SHCBP1L: variants seen among roughly 807,000 people sequenced by gnomAD.
SHCBP1L encodes testicular spindle-associated protein SHCBP1L.
A neutral mutation model predicts 62.5 loss-of-function variants in SHCBP1L; 67 were observed. The ratio of observed to expected loss-of-function variants is 1.07; its 90% CI spans 0.88 to 1.31. The LOEUF (loss-of-function observed/expected upper bound fraction) is 1.31. SHCBP1L is among the 40% of genes most tolerant of loss of function. SHCBP1L has a pLI of 0.00. For synonymous variants in SHCBP1L, 284 were observed against 289.4 expected (o/e 0.98, Z 0.19); for missense variants, 823 against 809.8 (o/e 1.02, Z -0.20).
chr1:182,911,298 A>G (rs554336547), intron 6 of SHCBP1L, among the ~76,000 whole-genome samples: 2 of 152,368 alleles, frequency 1.3e-5, no homozygotes, highest in East Asian at 3.9e-4. Flanking sequence ...AAAGGAATAC[A>G]GCCTTTGCAA....
intron 6 of SHCBP1L, among the ~76,000 whole-genome samples, chr1:182,918,371 C>T (rs1650427576): frequency 6.6e-6 from 1 of 151,324 alleles, no homozygotes; most frequent in South Asian, 2.1e-4. Context: ...CACTAATGAA[C>T]AATCTGAAAA....
At chr1:182,949,897 G>A (rs528248657) in intron 2 of SHCBP1L, among the ~76,000 whole-genome samples, 1 of 149,862 alleles carries the variant, frequency 6.7e-6, no homozygotes, top group South Asian at 2.1e-4. Context: ...TGCCTCCCAG[G>A]CTCAAGCGAT....
intron 7 of SHCBP1L, 100 bp from the exon 8 acceptor site, chr1:182,904,530 T>TGTGC (rs1553243995): frequency 6.4e-5 from 73 of 1,132,658 alleles, no homozygotes; most frequent in African/African-American, 1.9e-4. Context: ...TTTTTCCCTG[T>TGTGC]GTGCGTGTGT....
rs529822480 is a variant in SHCBP1L at position 182,944,984 on chromosome 1, G to A, written c.556-4441C>T. Among the ~76,000 whole-genome samples, 40 of 116,154 alleles carry A rather than the reference G, an allele frequency of 3.4e-4. 1 individual carries two copies. Among genetic ancestry groups the A allele is most frequent in the Admixed American group, 1.1e-3 (11 of 10,054 alleles). 76.2% of individuals were successfully genotyped at this position (116,154 alleles called of 152,430 possible). A position where few individuals can be genotyped will look rare whatever the true frequency, so the allele number is the denominator to read the frequency against. ...TTTTTTTTTTTTTTTTTTTTGAGACGGAGCCTTTCTTTGTCACCCAGGCTA... is the reference window on the plus strand; with the variant it reads ...TTTTTTTTTTTTTTTTTTTTGAGACAGAGCCTTTCTTTGTCACCCAGGCTA... On this transcript the variant is annotated intron_variant, in intron 2 of 9. Transcript: ENST00000367547.
At position 182,939,357 on chromosome 1, in the gene SHCBP1L, T is replaced by C. The variant is rs757228734; in HGVS notation, c.895A>G (p.Ile299Val). 3.5e-5 allele frequency: 56 copies of C among 1,613,926 alleles called. No homozygotes were observed. Among genetic ancestry groups the C allele is most frequent in the Admixed American group, 5.0e-5 (3 of 60,002 alleles). The change falls in exon 5 of 10, where the codon ATC becomes GTC. Residue 299 changes from isoleucine to valine, a missense_variant. Coordinates refer to ENST00000367547, the MANE Select transcript of SHCBP1L (RefSeq NM_030933.4). ...DIQDGTIPGPIAQRFKKTLEK... is the reference protein window; with the variant it reads ...DIQDGTIPGPVAQRFKKTLEK... The stretch of plus-strand genomic sequence containing the variant: ...AAAGTTTTTTTAAAACGTTGTGCGA[T>C]AGGACCAGGTATTGTTCCATCCTGT...
At chr1:182,909,624 T>C (rs1240281150) in intron 6 of SHCBP1L, among the ~76,000 whole-genome samples, 1 of 152,214 alleles carries the variant, frequency 6.6e-6, no homozygotes, top group Admixed American at 6.5e-5. Flanking sequence ...ATTTGCAGGA[T>C]GAAAATCTGA....
chr1:182,922,159 A>G (rs530911331), intron 6 of SHCBP1L, among the ~76,000 whole-genome samples: 1 of 152,368 alleles, frequency 6.6e-6, no homozygotes, highest in African/African-American at 2.4e-5. Context: ...ATAAGTTCTT[A>G]GAAACCTATC....
At chr1:182,925,177 G>T (rs1053787520) in intron 6 of SHCBP1L, among the ~76,000 whole-genome samples, 1 of 152,110 alleles carries the variant, frequency 6.6e-6, no homozygotes, top group African/African-American at 2.4e-5. Flanking sequence ...CAATGACAGT[G>T]ATCACGGACA....
At position 182,930,703 on chromosome 1, in the gene SHCBP1L, GTA is replaced by G. The variant is rs1217293960; in HGVS notation, c.1077-953_1077-952del. ...TGTGTGTGTGTGTGTGTGTGTGTGTGTATATATATATATATATATATGTATTT... is the reference window on the plus strand; with the variant it reads ...TGTGTGTGTGTGTGTGTGTGTGTGTGTATATATATATATATATATGTATTT... On this transcript the variant is annotated intron_variant, in intron 5 of 9. Transcript: ENST00000367547. Among the ~76,000 whole-genome samples, 127 of 14,274 alleles carry G rather than the reference GTA, an allele frequency of 8.9e-3. 4 individuals carry two copies. Among genetic ancestry groups the G allele is most frequent in the African/African-American group, 0.013 (67 of 5,076 alleles). The allele number at this position is 14,274 out of a possible 152,430, so 9.4% of individuals were successfully genotyped here.
chr1:182,943,415 C>G lies in SHCBP1L; in HGVS notation c.556-2872G>C, dbSNP rs558602919. Among the ~76,000 whole-genome samples the G allele has an allele frequency of 1.1e-3, 171 of 150,698 alleles. 1 individual carries two copies. Among genetic ancestry groups the G allele is most frequent in the African/African-American group, 4.0e-3 (165 of 41,044 alleles). On this transcript the variant is annotated intron_variant, in intron 2 of 9. Transcript: ENST00000367547. ...GGGATTACAGGAATGAGCCACCATG[C>G]CTGGCCTAGTTTTTTTTGTTTGTTT...
At chr1:182,943,249 T>C (rs1651430750) in intron 2 of SHCBP1L, among the ~76,000 whole-genome samples, 1 of 150,242 alleles carries the variant, frequency 6.7e-6, no homozygotes, top group Non-Finnish European at 1.5e-5. Flanking sequence ...CCCAATTAGC[T>C]AGGACTACCT....
At chr1:182,948,886 GA>G (rs915871267) in intron 2 of SHCBP1L, among the ~76,000 whole-genome samples, 1 of 152,074 alleles carries the variant, frequency 6.6e-6, no homozygotes, top group African/African-American at 2.4e-5. Context: ...GAGGTCCCAA[GA>G]GCCATTCTCA....
rs184401604 is a variant in SHCBP1L at position 182,916,406 on chromosome 1, C to T, written c.1183-10757G>A. Among the ~76,000 whole-genome samples, 7 of 151,976 alleles carry T rather than the reference C, an allele frequency of 4.6e-5. No homozygotes were observed. In the East Asian group the frequency reaches 1.2e-3, roughly 25 times the overall value. ...AAATAGAGAATAGGAAAAATAAAAA[C>T]AAAATCAAAAATTAATTTTTTGAAA... On this transcript the variant is annotated intron_variant, in intron 6 of 9. Coordinates refer to ENST00000367547, the MANE Select transcript of SHCBP1L (RefSeq NM_030933.4).
chr1:182,946,841 T>C (rs1444869938), intron 2 of SHCBP1L, among the ~76,000 whole-genome samples: 1 of 152,216 alleles, frequency 6.6e-6, no homozygotes. Flanking sequence ...AGCACAATAA[T>C]TGTCCTGTCT....
chr1:182,918,227 T>TATATATACACATATATATACACAC (rs1415367229), intron 6 of SHCBP1L, among the ~76,000 whole-genome samples: 1 of 146,422 alleles, frequency 6.8e-6, no homozygotes, highest in African/African-American at 2.5e-5. Context: ...TATATACACA[T>TATATATACACATATATATACACAC]ATATATATAC....
At chr1:182,940,653 G>T in intron 2 of SHCBP1L, 110 bp from the exon 3 acceptor site, 2 of 818,376 alleles carry the variant, frequency 2.4e-6, no homozygotes, top group Non-Finnish European at 3.7e-6. Context: ...TTAAATTTAT[G>T]ACTTCTTCAA....
chr1:182,937,339 A>G (rs1157045057), intron 5 of SHCBP1L, among the ~76,000 whole-genome samples: 1 of 152,114 alleles, frequency 6.6e-6, no homozygotes, highest in East Asian at 1.9e-4. Context: ...AACATTTTGA[A>G]TATTTCTCTC....
chr1:182,900,274 T>C, intron 9 of SHCBP1L, 40 bp from the exon 10 acceptor site: 1 of 1,471,774 alleles, frequency 6.8e-7, no homozygotes, highest in Non-Finnish European at 9.1e-7. Context: ...TCAATGATTT[T>C]ATTTAAAAAA....
At chr1:182,931,808 T>C (rs1051668083) in intron 5 of SHCBP1L, among the ~76,000 whole-genome samples, 8 of 152,204 alleles carry the variant, frequency 5.3e-5, no homozygotes, top group Admixed American at 3.9e-4. Context: ...GAGTTGACTC[T>C]TGGTGTTGTC....
Sources: allele counts gnomAD v4.1 joint callset (sites outside exome capture counted in the v4.1 genomes callset), GRCh38; gene constraint gnomAD v4.1.1; transcripts MANE v1.5; gene names NCBI Gene and HGNC (gene_info 2026-07-23, HGNC 2026-07-21).